Variants in HECW1 observed in about 807,000 individuals in gnomAD.
HECW1 encodes the protein HECT, C2 and WW domain containing E3 ubiquitin protein ligase 1.
A neutral mutation model predicts 182.3 loss-of-function variants in HECW1; 61 were observed. That is an observed-to-expected ratio of 0.33 (90% CI 0.27 to 0.41). The LOEUF is 0.41. Ranked by LOEUF, HECW1 falls within the 10% of genes least tolerant of loss-of-function variation. The probability of loss-of-function intolerance (pLI) is 1.00; values close to 1 mark genes in which losing one functional copy is unlikely to be tolerated. For synonymous variants in HECW1, 859 were observed against 832.6 expected (o/e 1.03, Z -0.55); for missense variants, 1,739 against 2,108.9 (o/e 0.82, Z 3.44).
rs1259643594 is a variant in HECW1, at chr7:43,563,532, A to G, written c.*1606A>G. ...TCATATGAAGCCAATGGCTCATTAT[A>G]CCAGTTTGTGTCTGGACAGTGTGTT... On this transcript the variant is annotated 3_prime_UTR_variant, in exon 30 of 30. Transcript: ENST00000395891. 1.5e-5 allele frequency: 3 copies of G among 194,984 alleles called. No homozygotes were observed. Among genetic ancestry groups the G allele is most frequent in the South Asian group, 1.9e-4 (1 of 5,190 alleles). The allele number at this position is 194,984 out of a possible 1,614,324, so 12.1% of individuals were successfully genotyped here. A position where few individuals can be genotyped will look rare whatever the true frequency, so the allele number is the denominator to read the frequency against.
In HECW1 at chr7:43,247,981, G is replaced by A. The variant is rs1445493819; in HGVS notation, c.27+4049G>A. 3.7e-5 allele frequency among the ~76,000 whole-genome samples: 5 copies of A among 135,950 alleles called. 1 individual carries two copies. Among genetic ancestry groups the A allele is most frequent in the Non-Finnish European group, 7.7e-5 (5 of 64,938 alleles). The allele number at this position is 135,950 out of a possible 152,430, so 89.2% of individuals were successfully genotyped here. On this transcript the variant is annotated intron_variant, in intron 3 of 29. Transcript: ENST00000395891. ...GGAAAGAAAAAGAGAAAGGAAAGAA[G>A]GAAGGAAGAAGGAAGGAAGGAAAGA...
At chr7:43,329,709 C>G (rs536266764) in intron 5 of HECW1, among the ~76,000 whole-genome samples, 1 of 152,156 alleles carries the variant, frequency 6.6e-6, no homozygotes, top group African/African-American at 2.4e-5. Context: ...CACAGTTGCC[C>G]GGACACGGCG....
intron 3 of HECW1, among the ~76,000 whole-genome samples, chr7:43,281,256 G>C (rs553703203): frequency 6.6e-6 from 1 of 152,276 alleles, no homozygotes; most frequent in Admixed American, 6.5e-5. Context: ...CTCAGGCTCA[G>C]CTCCAAAACG....
chr7:43,277,428 G>C (rs755943961), intron 3 of HECW1, among the ~76,000 whole-genome samples: 1 of 152,058 alleles, frequency 6.6e-6, no homozygotes, highest in African/African-American at 2.4e-5. Context: ...ATGGTTTTTC[G>C]TTTCTGTCTG....
At position 43,214,426 on chromosome 7, in the gene HECW1, T is replaced by C. The variant is rs553082185; in HGVS notation, c.-31-29449T>C. 3.3e-5 allele frequency among the ~76,000 whole-genome samples: 5 copies of C among 152,350 alleles called. No individual in the cohort carries two copies. In the East Asian group the frequency reaches 5.8e-4, roughly 18 times the overall value. ...TTCAAATATATATTCAAATAACTTT[T>C]CTGAGTAATAGGTACAAAAAACTAG... On this transcript the variant is annotated intron_variant, in intron 2 of 29. Transcript: ENST00000395891.
chr7:43,217,144 T>C (rs1796517422), intron 2 of HECW1, among the ~76,000 whole-genome samples: 1 of 152,200 alleles, frequency 6.6e-6, no homozygotes, highest in African/African-American at 2.4e-5. Context: ...AGCAACTTAT[T>C]ACCGAGTACA....
intron 24 of HECW1, chr7:43,509,643 T>A (rs17172220): frequency 3.9e-5 from 6 of 152,848 alleles, no homozygotes; most frequent in African/African-American, 1.2e-4. Flanking sequence ...ACCACTTACC[T>A]ATATGTATAA....
At chr7:43,386,821 C>T (rs1319192170) in intron 6 of HECW1, among the ~76,000 whole-genome samples, 1 of 152,092 alleles carries the variant, frequency 6.6e-6, no homozygotes, top group Non-Finnish European at 1.5e-5. Context: ...AGAAGCTCAC[C>T]GCACTGTGCT....
chr7:43,299,603 A>G (rs1806478384), intron 3 of HECW1, among the ~76,000 whole-genome samples: 1 of 152,240 alleles, frequency 6.6e-6, no homozygotes, highest in Admixed American at 6.5e-5. Context: ...AAAATCAGAA[A>G]GATTAGCTGT....
chr7:43,415,795 A>T (rs1277911910), intron 8 of HECW1, among the ~76,000 whole-genome samples: 23 of 142,664 alleles, frequency 1.6e-4, no homozygotes, highest in African/African-American at 6.1e-4. Context: ...TCCATCGCTG[A>T]TACCCTTTCT....
intron 2 of HECW1, among the ~76,000 whole-genome samples, chr7:43,163,614 C>T (rs1001462732): frequency 2.0e-4 from 31 of 152,280 alleles, no homozygotes; most frequent in Non-Finnish European, 3.2e-4. Context: ...CATTCCCAGC[C>T]GTCAGCCAGA....
At chr7:43,127,772 C>T (rs1786438052) in intron 2 of HECW1, among the ~76,000 whole-genome samples, 1 of 152,058 alleles carries the variant, frequency 6.6e-6, no homozygotes, top group Non-Finnish European at 1.5e-5. Context: ...TATCTTCAAA[C>T]ATAAAAGTAC....
chr7:43,226,701 C>CAGGGAGCTGCAAGGGCT (rs56839027), intron 2 of HECW1, among the ~76,000 whole-genome samples: 21 of 152,256 alleles, frequency 1.4e-4, no homozygotes, highest in African/African-American at 4.6e-4. Context: ...GGGAAAAGGC[C>CAGGGAGCTGCAAGGGCT]TGACCCTCCT....
At chr7:43,153,346 C>T (rs1365301352) in intron 2 of HECW1, among the ~76,000 whole-genome samples, 4 of 152,266 alleles carry the variant, frequency 2.6e-5, no homozygotes, top group East Asian at 3.9e-4. Context: ...ATTCCCTTTC[C>T]TGTCGATGTA....
chr7:43,366,721 C>T (rs1017890203), intron 6 of HECW1, among the ~76,000 whole-genome samples: 1 of 152,062 alleles, frequency 6.6e-6, no homozygotes, highest in African/African-American at 2.4e-5. Flanking sequence ...GTGAAGGTCC[C>T]CAAAGTTGCC....
rs1187006242 is a variant in HECW1, at chr7:43,561,923, G to A, written c.4818G>A (p.Glu1606=). Reference sequence around the variant, plus strand: ...AGGAAACCAGCACCTTTGGACTTGAGTGAGGACATGGAACCTCGCCTGACA... The same window carrying A: ...AGGAAACCAGCACCTTTGGACTTGAATGAGGACATGGAACCTCGCCTGACA... ...AVEETSTFGL[E] Residue 1606 remains glutamate, a synonymous_variant, in exon 30 of 30, where the codon GAG becomes GAA. Coordinates refer to ENST00000395891, the MANE Select transcript of HECW1 (RefSeq NM_015052.5). 4 of 1,583,264 alleles carry A rather than the reference G, an allele frequency of 2.5e-6. No individual in the cohort carries two copies. The East Asian group carries it at 6.7e-5, about 27-fold the overall frequency.
At chr7:43,140,034 C>T (rs11972242) in intron 2 of HECW1, among the ~76,000 whole-genome samples, 67,319 of 151,992 alleles carry the variant, frequency 0.44, 14,997 homozygotes, top group East Asian at 0.46. Flanking sequence ...AGGTTATTTG[C>T]AATGTGAATA....
At chr7:43,553,014 G>A (rs2152960168) in intron 28 of HECW1, among the ~76,000 whole-genome samples, 1 of 152,282 alleles carries the variant, frequency 6.6e-6, no homozygotes, top group East Asian at 1.9e-4. Flanking sequence ...AGGGAAGGGT[G>A]TCTCATTTCC....
At chr7:43,266,172 T>C (rs1801768906) in intron 3 of HECW1, among the ~76,000 whole-genome samples, 1 of 152,164 alleles carries the variant, frequency 6.6e-6, no homozygotes, top group African/African-American at 2.4e-5. Context: ...TTCCACCCTC[T>C]TGTCACATGG....
Sources: gnomAD v4.1 joint callset for allele counts (sites outside exome capture counted in the v4.1 genomes callset) on GRCh38, gnomAD v4.1.1 for gene constraint, MANE v1.5 for transcripts, NCBI Gene and HGNC (gene_info 2026-07-23, HGNC 2026-07-21) for gene names.